AFF2: variants seen among roughly 807,000 people sequenced by gnomAD.
AFF2 encodes the protein ALF transcription elongation factor 2.
AFF2 carries 14 observed loss-of-function variants against 76.9 expected under a neutral mutation model. The observed-to-expected ratio is 0.18, with a 90% CI of 0.12 to 0.28. The LOEUF (loss-of-function observed/expected upper bound fraction) is 0.28, where lower values mean the gene tolerates loss of function less well. Ranked by LOEUF, AFF2 falls within the 10% of genes least tolerant of loss-of-function variation. The pLI is 1.00. For missense variants in AFF2, 868 were observed against 1,001.1 expected (o/e 0.87, Z 1.79); for synonymous variants, 398 against 366.7 (o/e 1.09, Z -0.98).
chrX:148,952,381 G>A (rs1278239632), intron 9 of AFF2, among the ~76,000 whole-genome samples: 1 of 111,516 alleles, frequency 9.0e-6, no homozygotes, highest in Non-Finnish European at 1.9e-5. Flanking sequence ...GCGAGGGAGA[G>A]AGCAAGTCAG....
intron 1 of AFF2, among the ~76,000 whole-genome samples, chrX:148,525,302 G>A (rs1438274087): frequency 9.0e-6 from 1 of 111,213 alleles, no homozygotes; most frequent in Non-Finnish European, 1.9e-5. Context: ...CTAAACTCCA[G>A]CCAATGTCAA....
chrX:148,577,756 C>T (rs1557243712), intron 1 of AFF2, among the ~76,000 whole-genome samples: 2 of 111,962 alleles, frequency 1.8e-5, no homozygotes, highest in African/African-American at 6.5e-5. Flanking sequence ...AGATTTTTCT[C>T]TCATCTTACA....
In AFF2 at chrX:148,806,825, T is replaced by C. The variant is rs782361350; in HGVS notation, c.1042-3051T>C. ...AGAACCTGAGACTCCGAGTGATTTG[T>C]ATTACCAACTCTCCATGCTTTGCAC... On this transcript the variant is annotated intron_variant, in intron 3 of 20. Coordinates refer to ENST00000370460, the MANE Select transcript of AFF2 (RefSeq NM_002025.4). Among the ~76,000 whole-genome samples the C allele has an allele frequency of 4.5e-5, 5 of 112,265 alleles. No homozygotes were observed. The East Asian group carries it at 1.4e-3, about 32-fold the overall frequency.
chrX:148,718,970 G>A, intron 3 of AFF2: 1 of 695,195 alleles, frequency 1.4e-6, no homozygotes, highest in Non-Finnish European at 2.0e-6. Flanking sequence ...AATGGATGGA[G>A]GAAGCTAACA....
At chrX:148,768,613 A>G (rs1557267916) in intron 3 of AFF2, among the ~76,000 whole-genome samples, 1 of 111,834 alleles carries the variant, frequency 8.9e-6, no homozygotes, top group Non-Finnish European at 1.9e-5. Context: ...AAGACCTTTC[A>G]GTTTGAGAAG....
intron 1 of AFF2, among the ~76,000 whole-genome samples, chrX:148,648,404 T>C (rs1603267193): frequency 9.3e-6 from 1 of 107,613 alleles, no homozygotes; most frequent in African/African-American, 3.4e-5. Flanking sequence ...CTACTAAAAA[T>C]ACAAAAAATT....
At chrX:148,710,171 A>G (rs1305699366) in intron 3 of AFF2, among the ~76,000 whole-genome samples, 2 of 112,047 alleles carry the variant, frequency 1.8e-5, no homozygotes, top group Non-Finnish European at 3.8e-5. Context: ...TACGCATTCA[A>G]CTAGTGATGA....
intron 1 of AFF2, among the ~76,000 whole-genome samples, chrX:148,632,301 TGTTAAA>T (rs1181925441): frequency 8.9e-6 from 1 of 111,830 alleles, no homozygotes; most frequent in East Asian, 2.8e-4. Context: ...TGACTCAACT[TGTTAAA>T]GTTAAATTTT....
chrX:148,991,546 T>A lies in AFF2; in HGVS notation c.*214T>A. ...TTTTATTACTTAGTCATTTTTTTTC[T>A]TTTAGCATTTGATATGCATTTCTCA... On this transcript the variant is annotated 3_prime_UTR_variant, in exon 21 of 21. Transcript: ENST00000370460. 6.2e-6 allele frequency: 2 copies of A among 321,006 alleles called. No individual in the cohort carries two copies. Among genetic ancestry groups the A allele is most frequent in the Non-Finnish European group, 1.0e-5 (2 of 198,888 alleles). The allele number at this position is 321,006 out of a possible 1,213,427, so 26.5% of individuals were successfully genotyped here.
At chrX:148,554,008 G>T (rs2053023574) in intron 1 of AFF2, among the ~76,000 whole-genome samples, 1 of 111,469 alleles carries the variant, frequency 9.0e-6, no homozygotes, top group African/African-American at 3.3e-5. Flanking sequence ...AAAGAGGAGG[G>T]TCTAAGAATG....
intron 1 of AFF2, among the ~76,000 whole-genome samples, chrX:148,541,296 G>A (rs1458048174): frequency 8.9e-6 from 1 of 112,060 alleles, no homozygotes; most frequent in Non-Finnish European, 1.9e-5. Flanking sequence ...ATTGTTAAAA[G>A]GAATTTAACA....
chrX:148,548,172 C>G (rs1484555194), intron 1 of AFF2, among the ~76,000 whole-genome samples: 3 of 112,296 alleles, frequency 2.7e-5, no homozygotes, highest in African/African-American at 9.7e-5. Flanking sequence ...AATGTAAGTG[C>G]TCCTTGGTAG....
chrX:148,507,104 A>T (rs1238563966), intron 1 of AFF2, among the ~76,000 whole-genome samples: 6 of 112,232 alleles, frequency 5.3e-5, no homozygotes, highest in African/African-American at 1.9e-4. Flanking sequence ...CGACTCAAAG[A>T]CTGTTCCATG....
chrX:148,961,680 T>C (rs180957395), intron 12 of AFF2, among the ~76,000 whole-genome samples: 172 of 112,437 alleles, frequency 1.5e-3, no homozygotes, highest in Non-Finnish European at 1.9e-3. Context: ...ATCTTTGATT[T>C]GTTGCTTTGA....
intron 9 of AFF2, among the ~76,000 whole-genome samples, chrX:148,924,083 A>G (rs1277244164): frequency 2.7e-5 from 3 of 112,148 alleles, no homozygotes; most frequent in African/African-American, 9.7e-5. Flanking sequence ...ATAACAATGG[A>G]AATGATCACC....
intron 1 of AFF2, among the ~76,000 whole-genome samples, chrX:148,589,242 G>A (rs1484116048): frequency 9.0e-6 from 1 of 111,422 alleles, no homozygotes; most frequent in African/African-American, 3.3e-5. Flanking sequence ...AAGCTGCTCT[G>A]AACAGACTGT....
intron 4 of AFF2, among the ~76,000 whole-genome samples, chrX:148,819,384 A>G (rs1366094081): frequency 9.0e-6 from 1 of 111,609 alleles, no homozygotes. Context: ...GAGTGGCTGT[A>G]CCATTTTGCA....
intron 1 of AFF2, among the ~76,000 whole-genome samples, chrX:148,514,778 T>C (rs1557233594): frequency 8.9e-6 from 1 of 112,465 alleles, no homozygotes; most frequent in Non-Finnish European, 1.9e-5. Context: ...GTTACTGTTT[T>C]ATTTGGTTCC....
intron 19 of AFF2, among the ~76,000 whole-genome samples, chrX:148,981,411 G>A (rs1457527229): frequency 9.0e-6 from 1 of 110,827 alleles, no homozygotes; most frequent in Non-Finnish European, 1.9e-5. Flanking sequence ...ACCTGGTGCT[G>A]AAGCTGCCCT....
Sources: allele counts gnomAD v4.1 joint callset (sites outside exome capture counted in the v4.1 genomes callset), GRCh38; gene constraint gnomAD v4.1.1; transcripts MANE v1.5; gene names NCBI Gene and HGNC (gene_info 2026-07-23, HGNC 2026-07-21).